LARP1B: variants seen among roughly 807,000 people sequenced by gnomAD.
The protein encoded by LARP1B is la-related protein 1B.
A neutral mutation model predicts 114.2 loss-of-function variants in LARP1B; 76 were observed. That is an observed-to-expected ratio of 0.67 (90% CI 0.55 to 0.81). LARP1B has a LOEUF of 0.81. Among genes scored for constraint, LARP1B ranks in the 30% least tolerant of loss-of-function variants. The pLI is 0.00. For missense variants in LARP1B, 1,014 were observed against 1,075.8 expected (o/e 0.94, Z 0.80); for synonymous variants, 345 against 348.0 (o/e 0.99, Z 0.10).
chr4:128,091,568 C>T, intron 7 of LARP1B, 56 bp downstream of exon 7: 3 of 1,320,528 alleles, frequency 2.3e-6, no homozygotes, highest in Non-Finnish European at 1.0e-6. Context: ...GCAATATGAA[C>T]TTTAATGTCA....
intron 19 of LARP1B, among the ~76,000 whole-genome samples, chr4:128,207,811 T>C (rs1757997767): frequency 6.6e-6 from 1 of 152,238 alleles, no homozygotes; most frequent in Non-Finnish European, 1.5e-5. Flanking sequence ...TGTGCATGTG[T>C]GCAAGCACAA....
At position 128,183,745 on chromosome 4, in the gene LARP1B, A is replaced by C. The variant is rs375062278; in HGVS notation, c.2003+4233A>C. On this transcript the variant is annotated intron_variant, in intron 15 of 19. Transcript: ENST00000326639. The stretch of plus-strand genomic sequence containing the variant: ...TCATTCCTCTGTTGGACCTGAGCAA[A>C]GTAAATTGAAAACATTCTGGAGAGT... 1.4e-4 allele frequency among the ~76,000 whole-genome samples: 21 copies of C among 152,328 alleles called. No individual in the cohort carries two copies. The East Asian group carries it at 3.9e-3, about 28-fold the overall frequency.
intron 17 of LARP1B, among the ~76,000 whole-genome samples, chr4:128,204,678 AAAAAT>A (rs1011903092): frequency 9.8e-5 from 13 of 132,200 alleles, no homozygotes; most frequent in Non-Finnish European, 1.6e-4. Flanking sequence ...ATTAAAATTA[AAAAAT>A]AAATAAATAA....
chr4:128,062,459 G>A (rs1044559113), intron 1 of LARP1B, among the ~76,000 whole-genome samples: 2 of 152,208 alleles, frequency 1.3e-5, no homozygotes, highest in South Asian at 2.1e-4. Context: ...CCTGATGGGG[G>A]CACGGAGGTG....
At chr4:128,109,473 G>A (rs1425271953) in intron 9 of LARP1B, among the ~76,000 whole-genome samples, 1 of 151,992 alleles carries the variant, frequency 6.6e-6, no homozygotes, top group Non-Finnish European at 1.5e-5. Flanking sequence ...GTTGAACTGA[G>A]CAGAAGTCTA....
chr4:128,178,825 G>T (rs1489254201), intron 14 of LARP1B, among the ~76,000 whole-genome samples, 183 bp downstream of exon 14: 4 of 152,118 alleles, frequency 2.6e-5, no homozygotes, highest in East Asian at 1.9e-4. Flanking sequence ...TGGGCACGGT[G>T]GTTTATGCCT....
intron 11 of LARP1B, among the ~76,000 whole-genome samples, chr4:128,126,297 G>GT (rs1182727856): frequency 2.0e-5 from 3 of 151,446 alleles, no homozygotes; most frequent in Admixed American, 6.6e-5. Flanking sequence ...AATTTTTTAT[G>GT]TTTTTTGTAG....
intron 1 of LARP1B, among the ~76,000 whole-genome samples, chr4:128,073,807 T>C (rs1420227908): frequency 6.6e-6 from 1 of 151,712 alleles, no homozygotes; most frequent in Non-Finnish European, 1.5e-5. Context: ...GCCAGGCTGG[T>C]CTCAAACTCC....
intron 15 of LARP1B, among the ~76,000 whole-genome samples, chr4:128,192,053 G>A: frequency 6.6e-6 from 1 of 152,120 alleles, no homozygotes; most frequent in East Asian, 1.9e-4. Context: ...CTGATGATAA[G>A]CTTTGTGCTA....
chr4:128,090,851 A>AATT (rs1224508578), intron 5 of LARP1B, 150 bp from the exon 6 acceptor site: 1 of 561,240 alleles, frequency 1.8e-6, no homozygotes, highest in Non-Finnish European at 3.1e-6. Context: ...TTCTTATTGG[A>AATT]TCTCTTCAGT....
In LARP1B at chr4:128,098,387, A is replaced by G. The variant is rs148286181; in HGVS notation, c.813+57A>G. On this transcript the variant is annotated intron_variant, in intron 8 of 19. Coordinates refer to ENST00000326639, the MANE Select transcript of LARP1B (RefSeq NM_018078.4). The stretch of plus-strand genomic sequence containing the variant: ...TTCTGCTCAAATTTCCTTTGTACCT[A>G]AAACTTCTCTGAAAAACAGAGTACT... 4.6e-5 allele frequency: 67 copies of G among 1,465,484 alleles called. No homozygotes were observed. The African/African-American group carries it at 8.4e-4, about 18-fold the overall frequency. The allele number at this position is 1,465,484 out of a possible 1,614,324, so 90.8% of individuals were successfully genotyped here.
At chr4:128,115,029 C>T (rs1785322038) in intron 10 of LARP1B, among the ~76,000 whole-genome samples, 1 of 151,978 alleles carries the variant, frequency 6.6e-6, no homozygotes, top group Non-Finnish European at 1.5e-5. Context: ...CCTCTGCCTC[C>T]CAGGTTCAAG....
intron 1 of LARP1B, chr4:128,062,343 C>A: frequency 2.3e-6 from 2 of 877,966 alleles, no homozygotes; most frequent in Non-Finnish European, 2.7e-6. Flanking sequence ...CCCTCCCTGT[C>A]AGTCGGAGGT....
intron 11 of LARP1B, among the ~76,000 whole-genome samples, chr4:128,129,426 A>G (rs898522126): frequency 2.0e-5 from 3 of 152,162 alleles, no homozygotes; most frequent in Admixed American, 6.6e-5. Flanking sequence ...AGACTCAATA[A>G]TGTCATGTCA....
At chr4:128,107,429 G>A in intron 9 of LARP1B, 116 bp downstream of exon 9, 1 of 1,518,144 alleles carries the variant, frequency 6.6e-7, no homozygotes, top group African/African-American at 1.4e-5. Context: ...AAAGCTAACT[G>A]AAAGACTTTT....
At chr4:128,166,430 C>A (rs997641480) in intron 12 of LARP1B, among the ~76,000 whole-genome samples, 1 of 151,872 alleles carries the variant, frequency 6.6e-6, no homozygotes, top group African/African-American at 2.4e-5. Flanking sequence ...ATTCTGATCA[C>A]CCTACAAATA....
intron 11 of LARP1B, among the ~76,000 whole-genome samples, chr4:128,145,015 A>T (rs760740590): frequency 6.6e-6 from 1 of 152,288 alleles, no homozygotes; most frequent in African/African-American, 2.4e-5. Context: ...TAATTTTTAA[A>T]GTTTTATACT....
intron 11 of LARP1B, among the ~76,000 whole-genome samples, chr4:128,149,986 A>G (rs1430912885): frequency 1.3e-5 from 2 of 152,150 alleles, no homozygotes; most frequent in Admixed American, 1.3e-4. Flanking sequence ...CCCTGTCTCT[A>G]CTAAAAATAC....
chr4:128,074,623 G>T, intron 2 of LARP1B, 105 bp downstream of exon 2: 1 of 247,854 alleles, frequency 4.0e-6, no homozygotes, highest in Non-Finnish European at 7.1e-6. Flanking sequence ...TTGTATTATT[G>T]GTATTAGATT....
Sources: allele counts gnomAD v4.1 joint callset (sites outside exome capture counted in the v4.1 genomes callset), GRCh38; gene constraint gnomAD v4.1.1; transcripts MANE v1.5; gene names NCBI Gene and HGNC (gene_info 2026-07-23, HGNC 2026-07-21).